The following RFC3 variants were observed in gnomAD, a reference collection of about 807,000 sequenced individuals.
RFC3 encodes replication factor C subunit 3.
A neutral mutation model predicts 45.1 loss-of-function variants in RFC3; 41 were observed. That is an observed-to-expected ratio of 0.91 (90% confidence interval 0.71 to 1.18). RFC3 has a LOEUF of 1.18. Among genes scored for constraint, RFC3 ranks in the 50% most tolerant of loss-of-function variants. The pLI is 0.00. For missense variants in RFC3, 423 were observed against 428.1 expected (o/e 0.99, Z 0.10); for synonymous variants, 149 against 144.0 (o/e 1.03, Z -0.25).
At chr13:33,960,022 T>C (rs1389377772) in intron 8 of RFC3, among the ~76,000 whole-genome samples, 1 of 151,930 alleles carries the variant, frequency 6.6e-6, no homozygotes, top group Non-Finnish European at 1.5e-5. Context: ...CCACACACTT[T>C]TCAATGACCA....
chr13:33,822,478 C>A (rs1029719876), intron 2 of RFC3, among the ~76,000 whole-genome samples: 1 of 152,080 alleles, frequency 6.6e-6, no homozygotes, highest in Admixed American at 6.5e-5. Flanking sequence ...TGAAGTAGGG[C>A]TTGTGTTAAT....
chr13:33,843,738 C>A (rs560440008), intron 8 of RFC3, among the ~76,000 whole-genome samples: 2 of 152,328 alleles, frequency 1.3e-5, no homozygotes, highest in East Asian at 3.9e-4. Flanking sequence ...CTAATAAATT[C>A]ACAGCTACCA....
At chr13:33,909,689 C>T (rs187579219) in intron 8 of RFC3, among the ~76,000 whole-genome samples, 13 of 152,160 alleles carry the variant, frequency 8.5e-5, no homozygotes, top group African/African-American at 2.4e-4. Flanking sequence ...AAGGTGAAGG[C>T]GTCATCTCCC....
intron 8 of RFC3, among the ~76,000 whole-genome samples, chr13:33,888,471 T>C (rs1238613635): frequency 6.8e-6 from 1 of 147,318 alleles, no homozygotes; most frequent in Non-Finnish European, 1.5e-5. Flanking sequence ...GTTAAATATC[T>C]ATGACTATTT....
chr13:33,967,721 A>G (rs2083094847), downstream of RFC3, among the ~76,000 whole-genome samples: 1 of 151,738 alleles, frequency 6.6e-6, no homozygotes, highest in Admixed American at 6.6e-5. Flanking sequence ...CTCCTGACCT[A>G]GTGATCTACC....
rs192296527 is a variant in RFC3 at position 33,860,370 on chromosome 13, A to C, written c.879+25153A>C. On this transcript the variant is annotated intron_variant, in intron 8 of 8. Transcript: ENST00000434425. ...CACACTCACTTGCTTGGAGGGCTAG[A>C]ATTTGCCCTCCATGACTGCACAAAC... 1.8e-3 allele frequency among the ~76,000 whole-genome samples: 272 copies of C among 152,182 alleles called. 1 individual carries two copies. The highest frequency in any genetic ancestry group is 3.2e-3 in the Non-Finnish European group (219 of 67,986).
intron 8 of RFC3, among the ~76,000 whole-genome samples, chr13:33,942,657 G>T (rs1034176237): frequency 6.6e-6 from 1 of 152,094 alleles, no homozygotes; most frequent in Admixed American, 6.6e-5. Context: ...AACAATACAG[G>T]AGCAGAATAA....
At chr13:33,973,451 C>T in the RFC3 span, among the ~76,000 whole-genome samples, 1 of 152,098 alleles carries the variant, frequency 6.6e-6, no homozygotes, top group African/African-American at 2.4e-5. Context: ...CTTTTGCAGC[C>T]ACATCTGGAA....
At chr13:33,824,803 A>G (rs2082034581) in intron 3 of RFC3, among the ~76,000 whole-genome samples, 1 of 152,134 alleles carries the variant, frequency 6.6e-6, no homozygotes, top group Non-Finnish European at 1.5e-5. Flanking sequence ...ACCCTAACAG[A>G]TAGGTTTTAT....
chr13:33,950,736 C>T (rs1236254032), intron 8 of RFC3, among the ~76,000 whole-genome samples: 1 of 152,214 alleles, frequency 6.6e-6, no homozygotes, highest in South Asian at 2.1e-4. Context: ...TTTTGCTTAA[C>T]AGAGCCAATG....
chr13:33,841,687 C>G (rs2082199799), downstream of RFC3, among the ~76,000 whole-genome samples: 1 of 152,122 alleles, frequency 6.6e-6, no homozygotes. Flanking sequence ...GGGGTCTATG[C>G]CCTTAACTCT....
intron 8 of RFC3, among the ~76,000 whole-genome samples, chr13:33,860,641 G>A (rs1057028238): frequency 9.2e-5 from 14 of 152,082 alleles, no homozygotes; most frequent in Middle Eastern, 3.2e-3. Context: ...AGAGAAACTC[G>A]TTCTTTCCCT....
At chr13:33,947,677 T>C (rs1370491950) in intron 8 of RFC3, among the ~76,000 whole-genome samples, 1 of 152,180 alleles carries the variant, frequency 6.6e-6, no homozygotes, top group Non-Finnish European at 1.5e-5. Flanking sequence ...TAGAGACTTG[T>C]TGAATGGCTT....
intron 8 of RFC3, chr13:33,850,479 A>G (rs866132068): frequency 6.6e-6 from 1 of 152,084 alleles, no homozygotes; most frequent in African/African-American, 2.4e-5. Context: ...TTAAATTGAT[A>G]CACTGAGAAA....
At chr13:33,850,002 TGATTTACA>T (rs1338433620) in intron 8 of RFC3, 3 of 152,238 alleles carry the variant, frequency 2.0e-5, no homozygotes, top group Non-Finnish European at 4.4e-5. Flanking sequence ...CTGTTTTCTT[TGATTTACA>T]TAGTGCTAGC....
At chr13:33,840,151 G>A (rs935251747), downstream of RFC3, among the ~76,000 whole-genome samples, 1 of 151,924 alleles carries the variant, frequency 6.6e-6, no homozygotes, top group Non-Finnish European at 1.5e-5. Flanking sequence ...TGATTTATGG[G>A]CTTTTGTATT....
intron 8 of RFC3, among the ~76,000 whole-genome samples, chr13:33,860,115 T>A (rs2082331597): frequency 6.6e-6 from 1 of 152,182 alleles, no homozygotes; most frequent in African/African-American, 2.4e-5. Context: ...AACCCTGCAG[T>A]CACTTGGATC....
At chr13:33,900,328 G>C (rs1269382718) in intron 8 of RFC3, among the ~76,000 whole-genome samples, 2 of 152,000 alleles carry the variant, frequency 1.3e-5, no homozygotes, top group African/African-American at 4.8e-5. Context: ...CATGAAAACA[G>C]ACACATAGAC....
chr13:33,926,116 C>T (rs2082810741), intron 8 of RFC3, among the ~76,000 whole-genome samples: 1 of 149,536 alleles, frequency 6.7e-6, no homozygotes, highest in Admixed American at 6.7e-5. Context: ...GAACAAAAAA[C>T]CAGACACCGC....
Sources: allele counts gnomAD v4.1 joint callset (sites outside exome capture counted in the v4.1 genomes callset), GRCh38; gene constraint gnomAD v4.1.1; transcripts MANE v1.5; gene names NCBI Gene and HGNC (gene_info 2026-07-23, HGNC 2026-07-21).